EXD3: variants seen among roughly 807,000 people sequenced by gnomAD.
The protein encoded by EXD3 is exonuclease mut-7 homolog.
EXD3 carries 92 observed loss-of-function variants against 98.0 expected under a neutral mutation model. The observed-to-expected ratio is 0.94, with a 90% CI of 0.79 to 1.12. The LOEUF is 1.12. EXD3 is among the 50% of genes most tolerant of loss of function. The pLI is 0.00. For missense variants in EXD3, 1,222 were observed against 1,191.6 expected, an observed-to-expected ratio of 1.03 and a Z score of -0.38; for synonymous variants, 569 against 526.0, an observed-to-expected ratio of 1.08 and a Z score of -1.12.
intron 19 of EXD3, among the ~76,000 whole-genome samples, chr9:137,323,460 A>G (rs377331025): frequency 1.2e-3 from 33 of 26,800 alleles, no homozygotes; most frequent in East Asian, 2.0e-3. Context: ...CCCACGAGGG[A>G]TGATCTGCCG....
chr9:137,344,044 A>G (rs1174057207), intron 17 of EXD3, among the ~76,000 whole-genome samples: 1 of 149,870 alleles, frequency 6.7e-6, no homozygotes, highest in Non-Finnish European at 1.5e-5. Flanking sequence ...GGTGCCCGCC[A>G]CCACACCTGG....
At chr9:137,355,853 AG>A (rs1278938973) in intron 8 of EXD3, among the ~76,000 whole-genome samples, 1 of 152,112 alleles carries the variant, frequency 6.6e-6, no homozygotes, top group Admixed American at 6.6e-5. Context: ...CGGCCCTTGC[AG>A]GGGGTCCTGG....
intron 17 of EXD3, among the ~76,000 whole-genome samples, chr9:137,332,554 A>G (rs1833126146): frequency 7.8e-6 from 1 of 128,776 alleles, no homozygotes; most frequent in Non-Finnish European, 1.6e-5. Context: ...TAAAGGGTAC[A>G]TGGTATTGGC....
At chr9:137,381,093 CTG>C (rs1407504346) in intron 3 of EXD3, 1 of 141,732 alleles carries the variant, frequency 7.1e-6, no homozygotes, top group East Asian at 2.0e-4. Flanking sequence ...GAGCAAGACT[CTG>C]TCTCACACAC....
chr9:137,365,717 CACAT>C lies in EXD3; in HGVS notation c.656+772_656+775del, dbSNP rs574934877. The C allele has an allele frequency of 3.2e-3, 982 of 309,954 alleles. 13 individuals carry two copies. Among genetic ancestry groups the C allele is most frequent in the African/African-American group, 0.018 (818 of 45,724 alleles). The allele number at this position is 309,954 out of a possible 1,614,324, so 19.2% of individuals were successfully genotyped here. ...ACACACGTACACACCCATGCACACA[CACAT>C]ACAAACACACACCTACAGGCACACA... On this transcript the variant is annotated intron_variant, in intron 7 of 21. Transcript: ENST00000340951.
At chr9:137,375,053 G>A (rs1835825790) in intron 3 of EXD3, among the ~76,000 whole-genome samples, 1 of 151,654 alleles carries the variant, frequency 6.6e-6, no homozygotes, top group Admixed American at 6.6e-5. Context: ...CTGTCGCCCA[G>A]GCTGGAGTGC....
At chr9:137,326,299 G>A (rs1312039889) in intron 17 of EXD3, among the ~76,000 whole-genome samples, 5 of 152,156 alleles carry the variant, frequency 3.3e-5, no homozygotes, top group Non-Finnish European at 5.9e-5. Flanking sequence ...CGTATCTGAC[G>A]AGGGGTTGAT....
rs563397812 is a variant in EXD3 at position 137,372,767 on chromosome 9, G to A, written c.462+138C>T. 1.7e-4 allele frequency: 153 copies of A among 888,834 alleles called. 1 individual carries two copies. The highest frequency in any genetic ancestry group is 7.1e-4 in the South Asian group (41 of 57,658). The allele number at this position is 888,834 out of a possible 1,614,324, so 55.1% of individuals were successfully genotyped here. A position where few individuals can be genotyped will look rare whatever the true frequency, so the allele number is the denominator to read the frequency against. On this transcript the variant is annotated intron_variant, in intron 5 of 21. Coordinates refer to ENST00000340951, the MANE Select transcript of EXD3 (RefSeq NM_017820.5). ...CCGCACACAGCTGATGGCTGCCCAC[G>A]GCCGGGTCCTTGATACCTCCATGTA...
chr9:137,421,001 G>C (rs1387178061), intron 1 of EXD3, among the ~76,000 whole-genome samples: 1 of 152,094 alleles, frequency 6.6e-6, no homozygotes, highest in African/African-American at 2.4e-5. Context: ...TTTTTGTGGA[G>C]ACAGGGACCT....
rs1040478512 is a variant in EXD3, at chr9:137,307,633, G to A, written c.2292C>T (p.Thr764=). 1 of 1,610,104 alleles carries A rather than the reference G, an allele frequency of 6.2e-7. No individual in the cohort carries two copies. Among genetic ancestry groups the A allele is most frequent in the Non-Finnish European group, 8.5e-7 (1 of 1,179,698 alleles). The part of the protein sequence containing the change: ...EGPRSSGDEA[T]QSQAVQEPGP... ...CTGGCTCCTGCACCGCCTGGCTCTG[G>A]GTGGCCTCGTCACCTGTCAGTCAAG... is the stretch of plus-strand genomic sequence containing the variant. Residue 764 remains threonine, a synonymous_variant, in exon 21 of 22, where the codon ACC becomes ACT. Transcript: ENST00000340951.
At chr9:137,414,743 TGGA>T (rs1588443671) in intron 1 of EXD3, among the ~76,000 whole-genome samples, 1 of 152,072 alleles carries the variant, frequency 6.6e-6, no homozygotes, top group East Asian at 1.9e-4. Context: ...GCACAGGAGA[TGGA>T]GAAGGAGGCC....
In EXD3 at chr9:137,403,990, C is replaced by T. The variant is rs994921057; in HGVS notation, c.-47-8586G>A. On this transcript the variant is annotated intron_variant, in intron 1 of 21. Coordinates refer to ENST00000340951, the MANE Select transcript of EXD3 (RefSeq NM_017820.5). The surrounding 1 kb of genome is among the most constrained non-coding windows in gnomAD (Gnocchi z 6.1). ...ACACACAGGGCGCGAGTGACAGGGA[C>T]GTGTGTCCTCACTGTCCCGAGGCTG... 1.4e-5 allele frequency among the ~76,000 whole-genome samples: 2 copies of T among 141,508 alleles called. No individual in the cohort carries two copies. Among genetic ancestry groups the T allele is most frequent in the Non-Finnish European group, 3.1e-5 (2 of 64,828 alleles). The allele number at this position is 141,508 out of a possible 152,430, so 92.8% of individuals were successfully genotyped here. A position where few individuals can be genotyped will look rare whatever the true frequency, so the allele number is the denominator to read the frequency against.
At chr9:137,392,949 G>A (rs941251367) in intron 2 of EXD3, 22 of 581,976 alleles carry the variant, frequency 3.8e-5, no homozygotes, top group East Asian at 1.5e-4. Flanking sequence ...AGGGCCATTA[G>A]TGTTCCAGGG....
chr9:137,354,645 C>T (rs746489765), intron 9 of EXD3, 55 bp downstream of exon 9: 2 of 1,603,702 alleles, frequency 1.2e-6, no homozygotes, highest in Non-Finnish European at 1.7e-6. Flanking sequence ...CCAGGCCAAA[C>T]TCTGTGGCTC....
chr9:137,390,438 A>T (rs1836846468), intron 2 of EXD3, among the ~76,000 whole-genome samples: 1 of 152,032 alleles, frequency 6.6e-6, no homozygotes, highest in South Asian at 2.1e-4. Context: ...TTGCCAAAAA[A>T]AAAAAAAAGT....
chr9:137,371,047 C>T lies in EXD3; in HGVS notation c.462+1858G>A, dbSNP rs532414399. Among the ~76,000 whole-genome samples, 15 of 152,304 alleles carry T rather than the reference C, an allele frequency of 9.8e-5. No homozygotes were observed. Among genetic ancestry groups the T allele is most frequent in the African/African-American group, 3.1e-4 (13 of 41,576 alleles). ...GCATGCATCGCCTGCCGGGCGGCCC[C>T]GCTCGGGGACAATGGCTTTCTTCGC... On this transcript the variant is annotated intron_variant, in intron 5 of 21. Coordinates refer to ENST00000340951, the MANE Select transcript of EXD3 (RefSeq NM_017820.5). This position sits in a 1 kb window ranked among gnomAD's most constrained non-coding sequence, Gnocchi z 8.0.
Position 137,349,494 on chromosome 9 carries a change from C to G in EXD3, c.1532G>C (p.Arg511Thr). 6.2e-7 allele frequency: 1 copy of G among 1,601,994 alleles called. No homozygotes were observed. The highest frequency in any genetic ancestry group is 1.1e-5 in the South Asian group (1 of 90,388). ...GCTCAGGCCCCTCAGCTCCCTGGCC[C>G]TGTCCACGGCTGGGGCTGGCACGCT... ...VASVPAPAVD[R>T]ARELRGLSLL... The change falls in exon 15 of 22, where the codon AGG becomes ACG. Residue 511 changes from arginine to threonine, a missense_variant. Physicochemically the swap from Arg to Thr is moderately conservative, Grantham distance 71 (BLOSUM62 -1). Coordinates refer to ENST00000340951, the MANE Select transcript of EXD3 (RefSeq NM_017820.5). The surrounding 1 kb of genome is among the most constrained non-coding windows in gnomAD (Gnocchi z 7.4).
In EXD3 at chr9:137,338,788, G is replaced by A. The variant is rs567589419; in HGVS notation, c.1998+9283C>T. Reference sequence around the variant, plus strand: ...GGCGCCTGTAGTCCCAGCTACTCGGGAGGCTGAGGCAGGAGAATGGCGTGA... The same window carrying A: ...GGCGCCTGTAGTCCCAGCTACTCGGAAGGCTGAGGCAGGAGAATGGCGTGA... On this transcript the variant is annotated intron_variant, in intron 17 of 21. Transcript: ENST00000340951. 1.3e-4 allele frequency among the ~76,000 whole-genome samples: 19 copies of A among 151,220 alleles called. No individual in the cohort carries two copies. In the East Asian group the frequency reaches 3.7e-3, roughly 29 times the overall value.
rs200971534 is a variant in EXD3 at position 137,307,219 on chromosome 9, G to A, written c.2362C>T (p.Pro788Ser). Residue 788 changes from proline to serine, a missense_variant, in exon 22 of 22, where the codon CCC becomes TCC. By Grantham distance (74) the Pro-to-Ser change is moderately conservative (BLOSUM62 -1). Transcript: ENST00000340951. ...AAPEGCTYDRPCRWLQMADLR... is the reference protein window; with the variant it reads ...AAPEGCTYDRSCRWLQMADLR... ...TCAGCCATCTGCAGCCAGCGGCAGG[G>A]GCGGTCATAGGTGCAGCCCTCAGGG... 3,146 of 1,572,892 alleles carry A rather than the reference G, an allele frequency of 2.0e-3. 3 individuals carry two copies. Among genetic ancestry groups the A allele is most frequent in the Non-Finnish European group, 2.3e-3 (2,671 of 1,159,462 alleles).
Sources: gnomAD v4.1 joint callset for allele counts (sites outside exome capture counted in the v4.1 genomes callset) on GRCh38, gnomAD v4.1.1 for gene constraint, Gnocchi (gnomAD v3.1) non-coding constraint, MANE v1.5 for transcripts, NCBI Gene and HGNC (gene_info 2026-07-23, HGNC 2026-07-21) for gene names.